TAF4B: variants seen among roughly 807,000 people sequenced by gnomAD.
TAF4B encodes transcription initiation factor TFIID subunit 4B.
TAF4B carries 38 observed loss-of-function variants against 86.4 expected under a neutral mutation model. The observed-to-expected ratio is 0.44, with a 90% CI of 0.34 to 0.58. TAF4B has a LOEUF of 0.58. Among genes scored for constraint, TAF4B ranks in the 20% least tolerant of loss-of-function variants. TAF4B has a pLI of 0.02. For synonymous variants in TAF4B, 388 were observed against 391.2 expected (o/e 0.99, Z 0.10); for missense variants, 988 against 1,027.6 (o/e 0.96, Z 0.53).
chr18:26,254,455 C>G (rs1226816335), intron 1 of TAF4B, among the ~76,000 whole-genome samples: 1 of 152,038 alleles, frequency 6.6e-6, no homozygotes, highest in Non-Finnish European at 1.5e-5. Flanking sequence ...AAAACCTTCA[C>G]AAAGGTCAAC....
intron 11 of TAF4B, among the ~76,000 whole-genome samples, chr18:26,326,421 C>T (rs955000805): frequency 7.9e-5 from 12 of 152,160 alleles, no homozygotes; most frequent in Non-Finnish European, 1.3e-4. Context: ...ATTCACACCC[C>T]TGAGTAATCC....
chr18:26,342,276 C>T (rs1234705511), intron 13 of TAF4B, among the ~76,000 whole-genome samples: 1 of 152,116 alleles, frequency 6.6e-6, no homozygotes, highest in Non-Finnish European at 1.5e-5. Context: ...TTGCTACTAA[C>T]ACTTTCCTTA....
chr18:26,235,914 A>C (rs961795021), intron 1 of TAF4B, among the ~76,000 whole-genome samples: 3 of 152,220 alleles, frequency 2.0e-5, no homozygotes, highest in African/African-American at 7.2e-5. Flanking sequence ...GGGGTGTTGC[A>C]GGGACTGCTG....
intron 14 of TAF4B, among the ~76,000 whole-genome samples, chr18:26,365,855 T>C (rs1374524219): frequency 6.6e-6 from 1 of 152,130 alleles, no homozygotes; most frequent in Non-Finnish European, 1.5e-5. Flanking sequence ...AGTGGTGCGA[T>C]CTCAGCTCAC....
chr18:26,362,428 C>T (rs901962575), intron 14 of TAF4B, among the ~76,000 whole-genome samples: 2 of 152,148 alleles, frequency 1.3e-5, no homozygotes, highest in African/African-American at 2.4e-5. Flanking sequence ...TCATTAATCT[C>T]TCCTGAGCAT....
intron 14 of TAF4B, among the ~76,000 whole-genome samples, chr18:26,376,206 A>G (rs1354598170): frequency 6.7e-6 from 1 of 149,204 alleles, no homozygotes; most frequent in Non-Finnish European, 1.5e-5. Flanking sequence ...GTATTTTAGG[A>G]TCAGCTTGTT....
intron 10 of TAF4B, among the ~76,000 whole-genome samples, chr18:26,318,948 C>A (rs563328181): frequency 6.6e-6 from 1 of 152,314 alleles, no homozygotes; most frequent in African/African-American, 2.4e-5. Flanking sequence ...AATCCCAGCA[C>A]TTTGGGAGGC....
Position 26,285,980 on chromosome 18 carries a change from T to C in TAF4B, c.1071T>C (p.Cys357=). The C allele has an allele frequency of 6.2e-7, 1 of 1,614,220 alleles. No homozygotes were observed. Among genetic ancestry groups the C allele is most frequent in the Non-Finnish European group, 8.5e-7 (1 of 1,180,026 alleles). The part of the protein sequence containing the change: ...QTSSDMVIAT[C]TTTVTTSPVV... ...CTAGTGACATGGTCATTGCTACCTG[T>C]ACTACAACAGTAACAACTTCTCCTG... Residue 357 remains cysteine, a synonymous_variant, in exon 7 of 15, where the codon TGT becomes TGC. Coordinates refer to ENST00000269142, the MANE Select transcript of TAF4B (RefSeq NM_005640.3).
At chr18:26,283,611 A>G (rs1290695300) in intron 6 of TAF4B, among the ~76,000 whole-genome samples, 1 of 152,164 alleles carries the variant, frequency 6.6e-6, no homozygotes, top group African/African-American at 2.4e-5. Flanking sequence ...ATTGGCTTCC[A>G]CTTGAAGTCA....
chr18:26,323,232 A>G (rs939372403), intron 11 of TAF4B, among the ~76,000 whole-genome samples: 1 of 152,208 alleles, frequency 6.6e-6, no homozygotes, highest in Admixed American at 6.5e-5. Context: ...TCTGATAGAT[A>G]TAGTTGGTTT....
At chr18:26,383,576 A>G (rs1978303787) in intron 14 of TAF4B, among the ~76,000 whole-genome samples, 1 of 152,200 alleles carries the variant, frequency 6.6e-6, no homozygotes, top group Admixed American at 6.5e-5. Flanking sequence ...TGGCATCTGG[A>G]AAATGAGAGA....
Position 26,226,967 on chromosome 18 carries a change from G to C in TAF4B, c.34G>C (p.Ala12Pro). ...PAGLTEPAGAAPPAAVSASGT... is the reference protein window; with the variant it reads ...PAGLTEPAGAPPPAAVSASGT... ...CGGCCTCACCGAACCCGCCGGCGCC[G>C]CTCCCCCGGCTGCTGTGAGCGCCTC... The change falls in exon 1 of 15, where the codon GCT (alanine) becomes CCT (proline). Residue 12 changes from alanine (A) to proline (P), a missense_variant. Physicochemically the swap from Ala to Pro is conservative, Grantham distance 27. Coordinates refer to ENST00000269142, the MANE Select transcript of TAF4B (RefSeq NM_005640.3). 4 of 1,383,382 alleles carry C rather than the reference G, an allele frequency of 2.9e-6. No homozygotes were observed. Among genetic ancestry groups the C allele is most frequent in the Non-Finnish European group, 2.8e-6 (3 of 1,079,092 alleles). 85.7% of individuals were successfully genotyped at this position (1,383,382 alleles called of 1,614,324 possible). A position where few individuals can be genotyped will look rare whatever the true frequency, so the allele number is the denominator to read the frequency against.
Position 26,226,831 on chromosome 18 carries a change from T to G in TAF4B, c.-103T>G. The G allele has an allele frequency of 1.0e-6, 1 of 964,214 alleles. No individual in the cohort carries two copies. The highest frequency in any genetic ancestry group is 1.4e-6 in the Non-Finnish European group (1 of 720,042). The allele number at this position is 964,214 out of a possible 1,614,324, so 59.7% of individuals were successfully genotyped here. Reference sequence around the variant, plus strand: ...CCCCCGCGCCTCTCCCCAGCGATGCTGTGGAACCCGAACCGCACCGGAGTC... The same window carrying G: ...CCCCCGCGCCTCTCCCCAGCGATGCGGTGGAACCCGAACCGCACCGGAGTC... On this transcript the variant is annotated 5_prime_UTR_variant, in exon 1 of 15. Coordinates refer to ENST00000269142, the MANE Select transcript of TAF4B (RefSeq NM_005640.3).
intron 12 of TAF4B, among the ~76,000 whole-genome samples, chr18:26,327,887 G>T (rs917576450): frequency 2.0e-5 from 3 of 152,132 alleles, no homozygotes; most frequent in Non-Finnish European, 4.4e-5. Context: ...GCCTGGCCAA[G>T]GCTATTTATT....
At chr18:26,287,274 G>A (rs1319631594) in intron 7 of TAF4B, among the ~76,000 whole-genome samples, 2 of 152,094 alleles carry the variant, frequency 1.3e-5, no homozygotes, top group African/African-American at 2.4e-5. Context: ...CAAAATGTTA[G>A]GATTACAGGC....
intron 10 of TAF4B, among the ~76,000 whole-genome samples, chr18:26,317,895 A>G (rs1184423729): frequency 6.6e-6 from 1 of 152,188 alleles, no homozygotes; most frequent in Non-Finnish European, 1.5e-5. Context: ...GGGAGATGCA[A>G]ACATTTAGTC....
chr18:26,361,606 G>A (rs905038668), intron 14 of TAF4B, among the ~76,000 whole-genome samples: 5 of 151,616 alleles, frequency 3.3e-5, no homozygotes, highest in Non-Finnish European at 5.9e-5. Context: ...TTAGCTGGGC[G>A]TGGTGTCATG....
chr18:26,252,907 T>C (rs1192463505), intron 1 of TAF4B, among the ~76,000 whole-genome samples: 1 of 152,004 alleles, frequency 6.6e-6, no homozygotes, highest in Non-Finnish European at 1.5e-5. Context: ...ATCATAGGTA[T>C]GTATGTATAG....
At chr18:26,360,837 A>G (rs1434976218) in intron 14 of TAF4B, among the ~76,000 whole-genome samples, 1 of 152,226 alleles carries the variant, frequency 6.6e-6, no homozygotes, top group Non-Finnish European at 1.5e-5. Flanking sequence ...GTTATCTAAT[A>G]GAACTTTGTA....
Sources: gnomAD v4.1 joint callset for allele counts (sites outside exome capture counted in the v4.1 genomes callset) on GRCh38, gnomAD v4.1.1 for gene constraint, MANE v1.5 for transcripts, NCBI Gene and HGNC (gene_info 2026-07-23, HGNC 2026-07-21) for gene names.